Variants in UPF3A observed in about 807,000 individuals in gnomAD.
UPF3A encodes the protein regulator of nonsense transcripts 3A.
In UPF3A, 42 loss-of-function variants were observed where a neutral mutation model predicts 53.5. The ratio of observed to expected loss-of-function variants is 0.78; its 90% CI spans 0.61 to 1.01. The LOEUF is 1.01. Among genes scored for constraint, UPF3A ranks in the 50% least tolerant of loss-of-function variants. The pLI, the probability that UPF3A is intolerant of heterozygous loss-of-function variation, is 0.00. For missense variants in UPF3A, 575 were observed against 598.0 expected (o/e 0.96, Z 0.40); for synonymous variants, 237 against 225.3 (o/e 1.05, Z -0.47).
intron 5 of UPF3A, 48 bp from the exon 6 acceptor site, chr13:114,291,441 C>T (rs935031722): frequency 6.8e-7 from 1 of 1,464,528 alleles, no homozygotes; most frequent in Non-Finnish European, 9.3e-7. Context: ...ATTTAAAATA[C>T]ATCTTTCTTT....
At chr13:114,295,354 G>T (rs963234286) in intron 7 of UPF3A, among the ~76,000 whole-genome samples, 1 of 130,146 alleles carries the variant, frequency 7.7e-6, no homozygotes, top group South Asian at 2.5e-4. Flanking sequence ...TCCCCAGCTC[G>T]TCTCCAGCGG....
At chr13:114,292,013 T>A (rs927556671) in intron 7 of UPF3A, among the ~76,000 whole-genome samples, 1 of 152,058 alleles carries the variant, frequency 6.6e-6, no homozygotes, top group African/African-American at 2.4e-5. Context: ...GTTGGGTGCC[T>A]GTCCTCCTGG....
intron 5 of UPF3A, 62 bp downstream of exon 5, chr13:114,286,691 T>C: frequency 7.5e-7 from 1 of 1,325,484 alleles, no homozygotes; most frequent in Non-Finnish European, 1.0e-6. Flanking sequence ...AGGATATACG[T>C]TTTTTCTCTT....
At chr13:114,300,652 G>T (rs775845967) in intron 8 of UPF3A, among the ~76,000 whole-genome samples, 1 of 152,042 alleles carries the variant, frequency 6.6e-6, no homozygotes, top group Non-Finnish European at 1.5e-5. Context: ...CAATTCTCCT[G>T]CCTCAGCCTC....
At chr13:114,296,857 G>A (rs987083092) in intron 7 of UPF3A, among the ~76,000 whole-genome samples, 6 of 152,152 alleles carry the variant, frequency 3.9e-5, no homozygotes, top group African/African-American at 9.7e-5. Context: ...CAGTTCCTAG[G>A]CACACAGAAT....
At chr13:114,304,662 G>T (rs2086881197) in intron 9 of UPF3A, 127 bp from the exon 10 acceptor site, 18 of 1,359,242 alleles carry the variant, frequency 1.3e-5, no homozygotes, top group Non-Finnish European at 1.8e-5. Flanking sequence ...AAAAAGGGCT[G>T]ATTTTTAGCT....
At chr13:114,292,982 G>A (rs772742446) in intron 7 of UPF3A, among the ~76,000 whole-genome samples, 13 of 147,688 alleles carry the variant, frequency 8.8e-5, no homozygotes, top group Non-Finnish European at 1.6e-4. Context: ...TGAGGCAGGA[G>A]AATCGCTTGA....
chr13:114,291,800 T>G lies in UPF3A; in HGVS notation c.846+8T>G, dbSNP rs776278123. On this transcript the variant is annotated splice_region_variant and intron_variant, in intron 7 of 9. Transcript: ENST00000375299. ...AAAGAAGTAAGGATTAAGGTAATTC[T>G]GAGGAAACATTTCCTTTTTCCAAAA... The G allele has an allele frequency of 6.4e-7, 1 of 1,571,904 alleles. No homozygotes were observed. The highest frequency in any genetic ancestry group is 8.6e-7 in the Non-Finnish European group (1 of 1,163,100).
In UPF3A at chr13:114,286,394, G is replaced by A. The variant is rs200349995; in HGVS notation, c.514G>A (p.Glu172Lys). Residue 172 changes from glutamate (E) to lysine (K), a missense_variant, in exon 4 of 10, where the codon GAA becomes AAA. Glu to Lys is a moderately conservative substitution (Grantham distance 56, BLOSUM62 1). Transcript: ENST00000375299. ...AAAAGATGCCAAGACTGGAAGCATC[G>A]AAGATGGTGAGCCCTTTCCAAGTGC... ...RKKDAKTGSI[E>K]DDPEYKKFLE... 91 of 1,614,192 alleles carry A rather than the reference G, an allele frequency of 5.6e-5. 1 individual carries two copies. Among genetic ancestry groups the A allele is most frequent in the East Asian group, 4.2e-4 (19 of 44,886 alleles).
At chr13:114,295,743 A>AG (rs1380404968) in intron 7 of UPF3A, among the ~76,000 whole-genome samples, 1 of 152,166 alleles carries the variant, frequency 6.6e-6, no homozygotes, top group African/African-American at 2.4e-5. Context: ...GTGGTGCATC[A>AG]GGCGCAAGTT....
At chr13:114,286,257 A>C (rs374922187) in intron 3 of UPF3A, 45 bp from the exon 4 acceptor site, 480 of 1,607,236 alleles carry the variant, frequency 3.0e-4, no homozygotes, top group Admixed American at 1.1e-3. Context: ...AAATGAATGT[A>C]GTAGAATTTC....
At chr13:114,298,502 G>A (rs552883385) in intron 7 of UPF3A, among the ~76,000 whole-genome samples, 1 of 151,890 alleles carries the variant, frequency 6.6e-6, no homozygotes, top group Non-Finnish European at 1.5e-5. Flanking sequence ...AGTGCGCCAC[G>A]GCACTTCAGC....
Position 114,305,209 on chromosome 13 carries a change from G to T in UPF3A, c.*292G>T, listed in dbSNP as rs2086926947. On this transcript the variant is annotated 3_prime_UTR_variant, in exon 10 of 10. Transcript: ENST00000375299. ...ACAGTAGAAAAATATGTGTAAAATAGGGAAGAAAGTTAGTATTGGATCAGT... is the reference window on the plus strand; with the variant it reads ...ACAGTAGAAAAATATGTGTAAAATATGGAAGAAAGTTAGTATTGGATCAGT... 3 of 366,906 alleles carry T rather than the reference G, an allele frequency of 8.2e-6. No individual in the cohort carries two copies. Among genetic ancestry groups the T allele is most frequent in the African/African-American group, 6.4e-5 (3 of 47,052 alleles). The allele number at this position is 366,906 out of a possible 1,614,324, so 22.7% of individuals were successfully genotyped here.
intron 7 of UPF3A, among the ~76,000 whole-genome samples, chr13:114,295,200 T>C (rs1311719920): frequency 6.6e-6 from 1 of 152,034 alleles, no homozygotes. Context: ...AGTGAGCTTA[T>C]GTGTGGCCAC....
chr13:114,290,729 T>C (rs1039352884), intron 5 of UPF3A, among the ~76,000 whole-genome samples: 3 of 151,502 alleles, frequency 2.0e-5, no homozygotes, highest in Non-Finnish European at 2.9e-5. Context: ...TCTTTTCTTT[T>C]TTTTCTTTTT....
chr13:114,283,789 T>C, intron 3 of UPF3A: 1 of 985,660 alleles, frequency 1.0e-6, no homozygotes, highest in Non-Finnish European at 1.2e-6. Flanking sequence ...CCTGTCAGGC[T>C]GTCTGCTGTT....
intron 5 of UPF3A, among the ~76,000 whole-genome samples, chr13:114,291,194 AAAAT>A (rs1248685295): frequency 6.6e-6 from 1 of 152,248 alleles, no homozygotes; most frequent in Non-Finnish European, 1.5e-5. Flanking sequence ...GCGATGTATC[AAAAT>A]AAATATATGT....
intron 5 of UPF3A, among the ~76,000 whole-genome samples, chr13:114,288,300 C>G (rs1015138827): frequency 6.6e-6 from 1 of 152,172 alleles, no homozygotes; most frequent in African/African-American, 2.4e-5. Flanking sequence ...ATCACTGCCA[C>G]TGATGTGACA....
At chr13:114,286,422 C>T (rs771191739) in intron 4 of UPF3A, 22 bp downstream of exon 4, 25 of 1,612,892 alleles carry the variant, frequency 1.6e-5, no homozygotes, top group East Asian at 2.2e-5. Context: ...CCAAGTGCTA[C>T]GTTATGAAGC....
Sources: allele counts gnomAD v4.1 joint callset (sites outside exome capture counted in the v4.1 genomes callset), GRCh38; gene constraint gnomAD v4.1.1; transcripts MANE v1.5; gene names NCBI Gene and HGNC (gene_info 2026-07-23, HGNC 2026-07-21).